The following EFCAB14 variants were observed in gnomAD, a reference collection of about 807,000 sequenced individuals.
The protein encoded by EFCAB14 is EF-hand calcium-binding domain-containing protein 14.
EFCAB14 carries 43 observed loss-of-function variants against 56.5 expected under a neutral mutation model. The observed-to-expected ratio is 0.76, with a 90% CI of 0.60 to 0.98. The LOEUF is 0.98. Ranked by LOEUF, EFCAB14 falls within the 50% of genes least tolerant of loss-of-function variation. EFCAB14 has a pLI of 0.00. For missense variants in EFCAB14, 538 were observed against 580.3 expected (o/e 0.93, Z 0.75); for synonymous variants, 235 against 212.9 (o/e 1.10, Z -0.90).
chr1:46,707,792 A>G, intron 3 of EFCAB14, 114 bp downstream of exon 3: 1 of 1,115,208 alleles, frequency 9.0e-7, no homozygotes, highest in Non-Finnish European at 1.2e-6. Flanking sequence ...CCATTTCAAA[A>G]AGTAAAACAA....
rs773224879 is a variant in EFCAB14 at position 46,717,856 on chromosome 1, G to A, written c.185+47C>T. ...TTCCTGTCAATGTGGCCCCTTGGTA[G>A]TGCAAGGAGATGCCTTCTTCCCATT... is the stretch of plus-strand genomic sequence containing the variant. On this transcript the variant is annotated intron_variant, in intron 1 of 10. Coordinates refer to ENST00000371933, the MANE Select transcript of EFCAB14 (RefSeq NM_014774.3). 13 of 1,581,010 alleles carry A rather than the reference G, an allele frequency of 8.2e-6. No homozygotes were observed. In the South Asian group the frequency reaches 9.0e-5, roughly 11 times the overall value.
chr1:46,696,734 T>A, intron 3 of EFCAB14, 85 bp from the exon 4 acceptor site: 5 of 1,253,984 alleles, frequency 4.0e-6, no homozygotes, highest in Non-Finnish European at 5.7e-6. Flanking sequence ...CGGTTGGTGA[T>A]GTCAAGATAG....
At chr1:46,715,877 G>A (rs562129903) in intron 2 of EFCAB14, among the ~76,000 whole-genome samples, 2 of 152,182 alleles carry the variant, frequency 1.3e-5, no homozygotes, top group African/African-American at 4.8e-5. Context: ...TGCTTCACTA[G>A]AATGGGCAAA....
chr1:46,718,460 C>A lies in EFCAB14; in HGVS notation c.-373G>T, dbSNP rs929765084. ...CAGCCCGGATAAGTAGGCAATACTT[C>A]TAAGGGTGCTCCAGGAGGTGAGGAA... On this transcript the variant is annotated 5_prime_UTR_variant, in exon 1 of 11. Coordinates refer to ENST00000371933, the MANE Select transcript of EFCAB14 (RefSeq NM_014774.3). 1 of 164,522 alleles carries A rather than the reference C, an allele frequency of 6.1e-6. No homozygotes were observed. The highest frequency in any genetic ancestry group is 1.3e-5 in the Non-Finnish European group (1 of 75,784). 10.2% of individuals were successfully genotyped at this position (164,522 alleles called of 1,614,324 possible).
At chr1:46,710,063 G>A (rs963127968) in intron 2 of EFCAB14, among the ~76,000 whole-genome samples, 11 of 152,166 alleles carry the variant, frequency 7.2e-5, no homozygotes, top group Non-Finnish European at 1.0e-4. Flanking sequence ...ACAAAATGAG[G>A]AGTGATGGTG....
At chr1:46,704,241 C>G (rs7532601) in intron 3 of EFCAB14, among the ~76,000 whole-genome samples, 56,021 of 151,496 alleles carry the variant, frequency 0.37, 11,557 homozygotes, top group East Asian at 0.74. Context: ...TCACTTGATT[C>G]CAGGAGTTTG....
chr1:46,691,991 G>A (rs562396129), intron 4 of EFCAB14, 54 bp from the exon 5 acceptor site: 2 of 1,291,006 alleles, frequency 1.5e-6, no homozygotes, highest in East Asian at 2.4e-5. Flanking sequence ...CAACTGACAT[G>A]CAATAAACTG....
intron 3 of EFCAB14, among the ~76,000 whole-genome samples, chr1:46,696,964 T>C (rs572975790): frequency 6.6e-6 from 1 of 152,340 alleles, no homozygotes; most frequent in East Asian, 1.9e-4. Context: ...GCTGTAATTA[T>C]CACACACTCC....
At chr1:46,715,216 T>C (rs762388844) in intron 2 of EFCAB14, among the ~76,000 whole-genome samples, 64 of 152,322 alleles carry the variant, frequency 4.2e-4, no homozygotes, top group Non-Finnish European at 4.6e-4. Flanking sequence ...ACTGACCAAG[T>C]TGATATCAAA....
chr1:46,685,787 A>G (rs897621307), intron 8 of EFCAB14, among the ~76,000 whole-genome samples: 1 of 152,178 alleles, frequency 6.6e-6, no homozygotes, highest in African/African-American at 2.4e-5. Flanking sequence ...TTTGTGCTCA[A>G]AATTTACATC....
At chr1:46,700,032 G>T (rs372720156) in intron 3 of EFCAB14, among the ~76,000 whole-genome samples, 3 of 152,176 alleles carry the variant, frequency 2.0e-5, no homozygotes, top group African/African-American at 7.2e-5. Context: ...TCCAGCCCCA[G>T]TCAGACCTCC....
At chr1:46,700,644 A>G (rs1241728806) in intron 3 of EFCAB14, among the ~76,000 whole-genome samples, 1 of 152,240 alleles carries the variant, frequency 6.6e-6, no homozygotes, top group African/African-American at 2.4e-5. Context: ...AAATGTTTAT[A>G]TTCTTTATTT....
chr1:46,687,334 T>C (rs1411954852), intron 7 of EFCAB14, among the ~76,000 whole-genome samples: 1 of 152,208 alleles, frequency 6.6e-6, no homozygotes, highest in Non-Finnish European at 1.5e-5. Context: ...CCAACCTAGT[T>C]TAGCTGAGTT....
intron 5 of EFCAB14, among the ~76,000 whole-genome samples, 193 bp downstream of exon 5, chr1:46,691,634 A>C (rs3766218): frequency 0.063 from 9,633 of 152,240 alleles, 861 homozygotes; most frequent in East Asian, 0.39. Flanking sequence ...TATGTTTGCA[A>C]AAGATTTGGC....
chr1:46,701,722 C>A (rs1569718808), intron 3 of EFCAB14, among the ~76,000 whole-genome samples: 1 of 152,320 alleles, frequency 6.6e-6, no homozygotes, highest in East Asian at 1.9e-4. Flanking sequence ...CCTAGTGTAT[C>A]AGCTGCCTCA....
intron 9 of EFCAB14, among the ~76,000 whole-genome samples, chr1:46,683,909 A>C (rs571157114): frequency 1.3e-5 from 2 of 152,178 alleles, no homozygotes; most frequent in African/African-American, 4.8e-5. Context: ...AATTCAAGAG[A>C]GTTTGTACTG....
intron 3 of EFCAB14, among the ~76,000 whole-genome samples, chr1:46,701,074 G>A (rs1341406214): frequency 2.6e-5 from 4 of 151,810 alleles, no homozygotes; most frequent in South Asian, 4.1e-4. Flanking sequence ...TTCTGTATGT[G>A]TTTTATAGTT....
Position 46,683,436 on chromosome 1 carries a change from T to C in EFCAB14, c.1187-11A>G. 1 of 1,611,696 alleles carries C rather than the reference T, an allele frequency of 6.2e-7. No homozygotes were observed. Among genetic ancestry groups the C allele is most frequent in the Non-Finnish European group, 8.5e-7 (1 of 1,179,190 alleles). On this transcript the variant is annotated splice_polypyrimidine_tract_variant and intron_variant, in intron 9 of 10. Coordinates refer to ENST00000371933, the MANE Select transcript of EFCAB14 (RefSeq NM_014774.3). The stretch of plus-strand genomic sequence containing the variant: ...AACTCTCTACTTGCTCTGTAACAAA[T>C]ACATAAGGTTTTATTTAGTATTATT...
At position 46,691,918 on chromosome 1, in the gene EFCAB14, T is replaced by A. The variant is rs1401575220; in HGVS notation, c.599A>T (p.Asn200Ile). 6.2e-7 allele frequency: 1 copy of A among 1,613,110 alleles called. No homozygotes were observed. Among genetic ancestry groups the A allele is most frequent in the Non-Finnish European group, 8.5e-7 (1 of 1,179,594 alleles). ...AGCAAGATGGACGCTGTTTAAAGTATTGCCAATGGAAGCTACACTCTGAAT... is the reference window on the plus strand; with the variant it reads ...AGCAAGATGGACGCTGTTTAAAGTAATGCCAATGGAAGCTACACTCTGAAT... ...GLQKSVASIG[N>I]TLNSVHLAVE... Residue 200 changes from asparagine (N) to isoleucine (I), a missense_variant, in exon 5 of 11, where the codon AAT becomes ATT. Coordinates refer to ENST00000371933, the MANE Select transcript of EFCAB14 (RefSeq NM_014774.3).
Sources: gnomAD v4.1 joint callset for allele counts (sites outside exome capture counted in the v4.1 genomes callset) on GRCh38, gnomAD v4.1.1 for gene constraint, MANE v1.5 for transcripts, NCBI Gene and HGNC (gene_info 2026-07-23, HGNC 2026-07-21) for gene names.